ASIC2: variants seen among roughly 807,000 people sequenced by gnomAD.
ASIC2 encodes acid sensing ion channel subunit 2, also known as acid-sensing ion channel 2.
In ASIC2, 25 loss-of-function variants were observed where a neutral mutation model predicts 57.3. That is an observed-to-expected ratio of 0.44 (90% CI 0.32 to 0.61). The LOEUF is 0.61. ASIC2 is among the 20% of genes least tolerant of loss of function. The pLI is 0.06. For synonymous variants in ASIC2, 319 were observed against 307.5 expected, an observed-to-expected ratio of 1.04 and a Z score of -0.39; for missense variants, 641 against 738.1, an observed-to-expected ratio of 0.87 and a Z score of 1.52.
chr17:33,946,237 G>A (rs981853227), intron 1 of ASIC2, among the ~76,000 whole-genome samples: 1 of 152,174 alleles, frequency 6.6e-6, no homozygotes, highest in African/African-American at 2.4e-5. Flanking sequence ...GGCTGATGAT[G>A]TTGCCATCTG....
At chr17:33,989,087 CAACCTAAA>C (rs1905919895) in intron 1 of ASIC2, among the ~76,000 whole-genome samples, 1 of 152,066 alleles carries the variant, frequency 6.6e-6, no homozygotes, top group African/African-American at 2.4e-5. Context: ...CTGGGGAACC[CAACCTAAA>C]ACAGAACCCA....
chr17:33,439,589 C>T (rs1911754576), intron 1 of ASIC2, among the ~76,000 whole-genome samples: 1 of 152,086 alleles, frequency 6.6e-6, no homozygotes, highest in Non-Finnish European at 1.5e-5. Context: ...CTCATTGGTG[C>T]TTTATTTGAG....
At chr17:33,807,678 A>G (rs1406805906) in intron 1 of ASIC2, among the ~76,000 whole-genome samples, 1 of 152,096 alleles carries the variant, frequency 6.6e-6, no homozygotes, top group African/African-American at 2.4e-5. Context: ...TCCTCTTCAC[A>G]CATATCCAAT....
At chr17:33,405,406 C>A (rs1910432386) in intron 1 of ASIC2, among the ~76,000 whole-genome samples, 1 of 152,000 alleles carries the variant, frequency 6.6e-6, no homozygotes, top group East Asian at 1.9e-4. Flanking sequence ...ACCTCACTAA[C>A]TGGAGAGAGA....
At chr17:33,608,384 AG>A (rs1905290580) in intron 1 of ASIC2, among the ~76,000 whole-genome samples, 2 of 152,240 alleles carry the variant, frequency 1.3e-5, no homozygotes, top group South Asian at 4.1e-4. Flanking sequence ...TTCATATAAA[AG>A]TCTCAGGAAT....
chr17:33,697,330 T>G (rs1908559310), intron 1 of ASIC2, among the ~76,000 whole-genome samples: 2 of 152,198 alleles, frequency 1.3e-5, no homozygotes, highest in African/African-American at 2.4e-5. Context: ...CTCATCATCT[T>G]CACTTTGAGT....
intron 1 of ASIC2, among the ~76,000 whole-genome samples, chr17:33,157,766 C>T (rs1007665404): frequency 2.0e-5 from 3 of 152,244 alleles, no homozygotes; most frequent in Non-Finnish European, 2.9e-5. Flanking sequence ...ACTTGCAGCA[C>T]AGCAGCTGGA....
At chr17:33,047,340 C>G (rs117336163) in intron 3 of ASIC2, among the ~76,000 whole-genome samples, 25 of 152,122 alleles carry the variant, frequency 1.6e-4, no homozygotes, top group East Asian at 3.9e-4. Flanking sequence ...TCCCTCCCCC[C>G]ACTTTTTGTT....
chr17:33,426,403 A>G (rs1192776958), intron 1 of ASIC2, among the ~76,000 whole-genome samples: 2 of 152,248 alleles, frequency 1.3e-5, no homozygotes, highest in Non-Finnish European at 2.9e-5. Flanking sequence ...ACCAAAACGC[A>G]GGAGCCCAGT....
In ASIC2 at chr17:33,776,132, C is replaced by CA. The variant is rs35541526; in HGVS notation, c.555+379845dup. Among the ~76,000 whole-genome samples, 1,047 of 127,448 alleles carry CA rather than the reference C, an allele frequency of 8.2e-3. 19 individuals carry two copies. The highest frequency in any genetic ancestry group is 0.021 in the African/African-American group (719 of 34,214). The allele number at this position is 127,448 out of a possible 152,430, so 83.6% of individuals were successfully genotyped here. On this transcript the variant is annotated intron_variant, in intron 1 of 9. Transcript: ENST00000359872. ...TATGTGACACAGCAAGACTCTGTCT[C>CA]AAAAAAAAAAAAAAAAAAAAATAGA...
intron 2 of ASIC2, among the ~76,000 whole-genome samples, chr17:33,100,752 T>C (rs1188868709): frequency 6.6e-6 from 1 of 152,180 alleles, no homozygotes; most frequent in Non-Finnish European, 1.5e-5. Context: ...TGGCACACAG[T>C]AGGTATGCAG....
chr17:33,962,691 T>C (rs548657098), intron 1 of ASIC2, among the ~76,000 whole-genome samples: 1 of 152,248 alleles, frequency 6.6e-6, no homozygotes, highest in African/African-American at 2.4e-5. Flanking sequence ...ATGTGAGAGA[T>C]TCACCGGGCC....
chr17:33,762,966 T>G (rs1371970896), intron 1 of ASIC2, among the ~76,000 whole-genome samples: 1 of 152,080 alleles, frequency 6.6e-6, no homozygotes, highest in Admixed American at 6.5e-5. Context: ...GCTGGTAGAG[T>G]AGGCCCCATC....
chr17:33,525,173 C>G (rs1865391), intron 1 of ASIC2, among the ~76,000 whole-genome samples: 93,765 of 152,026 alleles, frequency 0.62, 29,631 homozygotes, highest in African/African-American at 0.76. Context: ...GTGCATGGAA[C>G]AGGAGGGCAT....
At chr17:34,028,675 G>A (rs1348803617) in intron 1 of ASIC2, among the ~76,000 whole-genome samples, 8 of 152,134 alleles carry the variant, frequency 5.3e-5, no homozygotes, top group South Asian at 2.1e-4. Context: ...AAGAAATTTC[G>A]GAGCAGATAA....
intron 3 of ASIC2, among the ~76,000 whole-genome samples, chr17:33,033,123 G>A (rs953433114): frequency 1.3e-5 from 2 of 152,090 alleles, no homozygotes; most frequent in African/African-American, 2.4e-5. Context: ...ACATTATGCC[G>A]GCTGCAGCTG....
intron 3 of ASIC2, among the ~76,000 whole-genome samples, chr17:33,040,501 G>C (rs1021120079): frequency 3.3e-5 from 5 of 152,236 alleles, no homozygotes; most frequent in African/African-American, 1.2e-4. Flanking sequence ...GGTCTTCAAA[G>C]TCTTTGAGTC....
chr17:33,662,881 C>A (rs952064038), intron 1 of ASIC2, among the ~76,000 whole-genome samples: 7 of 151,990 alleles, frequency 4.6e-5, no homozygotes, highest in African/African-American at 1.7e-4. Flanking sequence ...GCAAGCAGGT[C>A]ACAAATATAA....
At chr17:33,941,228 G>T (rs1025424304) in intron 1 of ASIC2, among the ~76,000 whole-genome samples, 1 of 152,204 alleles carries the variant, frequency 6.6e-6, no homozygotes, top group African/African-American at 2.4e-5. Context: ...GTTCAGGGAT[G>T]AGCAGGAAGG....
Sources: gnomAD v4.1 joint callset for allele counts (sites outside exome capture counted in the v4.1 genomes callset) on GRCh38, gnomAD v4.1.1 for gene constraint, MANE v1.5 for transcripts, NCBI Gene and HGNC (gene_info 2026-07-23, HGNC 2026-07-21) for gene names.